Variants in RPS6KC1 observed in about 807,000 individuals in gnomAD.
RPS6KC1 encodes inactive ribosomal protein S6 kinase delta-1.
A neutral mutation model predicts 103.8 loss-of-function variants in RPS6KC1; 54 were observed. The ratio of observed to expected loss-of-function variants is 0.52; its 90% CI spans 0.42 to 0.65. The LOEUF is 0.65. Ranked by LOEUF, RPS6KC1 falls within the 30% of genes least tolerant of loss-of-function variation. RPS6KC1 has a pLI of 0.00. For missense variants in RPS6KC1, 1,151 were observed against 1,253.8 expected (o/e 0.92, Z 1.24); for synonymous variants, 439 against 438.7 (o/e 1.00, Z -0.01).
At chr1:213,830,011 T>C in the RPS6KC1 span, among the ~76,000 whole-genome samples, 1 of 152,156 alleles carries the variant, frequency 6.6e-6, no homozygotes, top group Non-Finnish European at 1.5e-5. Flanking sequence ...TCCTGAGCAA[T>C]GATTAGGCCT....
At chr1:213,417,723 A>G in the RPS6KC1 span, among the ~76,000 whole-genome samples, 6 of 152,184 alleles carry the variant, frequency 3.9e-5, no homozygotes, top group Admixed American at 3.3e-4. Context: ...TCCCTCATTC[A>G]GCCAGGACTA....
chr1:213,075,118 T>G (rs1272756903), intron 2 of RPS6KC1, among the ~76,000 whole-genome samples: 5 of 152,230 alleles, frequency 3.3e-5, no homozygotes, highest in African/African-American at 1.2e-4. Context: ...CCCAAAGTGC[T>G]GGGATTACAG....
the RPS6KC1 span, among the ~76,000 whole-genome samples, chr1:213,458,644 A>G: frequency 6.6e-6 from 1 of 152,054 alleles, no homozygotes; most frequent in South Asian, 2.1e-4. Flanking sequence ...TTCCAATACT[A>G]TGTTGAATAG....
At chr1:213,396,622 C>T in the RPS6KC1 span, among the ~76,000 whole-genome samples, 2 of 152,148 alleles carry the variant, frequency 1.3e-5, no homozygotes, top group South Asian at 2.1e-4. Context: ...CCTGTTACCT[C>T]GAGAGTTCCA....
intron 6 of RPS6KC1, among the ~76,000 whole-genome samples, chr1:213,137,225 A>T (rs1316180576): frequency 6.6e-6 from 1 of 151,672 alleles, no homozygotes; most frequent in Admixed American, 6.6e-5. Context: ...CTCATTTTCT[A>T]TATATCTGAT....
At chr1:213,385,256 C>G in the RPS6KC1 span, among the ~76,000 whole-genome samples, 1,746 of 152,290 alleles carry the variant, frequency 0.011, 30 homozygotes, top group African/African-American at 0.039. Context: ...AAGAACACAA[C>G]AGTGTTTGCA....
chr1:213,766,777 C>T, the RPS6KC1 span, among the ~76,000 whole-genome samples: 1 of 152,046 alleles, frequency 6.6e-6, no homozygotes, highest in African/African-American at 2.4e-5. Context: ...TTTTCTCACC[C>T]CTAACTGGCT....
the RPS6KC1 span, among the ~76,000 whole-genome samples, chr1:213,676,618 AC>A: frequency 1.3e-5 from 2 of 152,066 alleles, no homozygotes; most frequent in Non-Finnish European, 2.9e-5. Context: ...TTCACATTGC[AC>A]CAAGTTACCT....
At chr1:213,598,283 A>G in the RPS6KC1 span, among the ~76,000 whole-genome samples, 2 of 152,256 alleles carry the variant, frequency 1.3e-5, no homozygotes, top group Admixed American at 1.3e-4. Context: ...TAGTTAAAAG[A>G]GTACACAACC....
At chr1:213,096,521 C>T (rs115848644) in intron 3 of RPS6KC1, among the ~76,000 whole-genome samples, 1,982 of 151,958 alleles carry the variant, frequency 0.013, 46 homozygotes, top group African/African-American at 0.043. Context: ...AAAAATTAGC[C>T]GGACATGGTG....
chr1:213,545,696 G>C, the RPS6KC1 span, among the ~76,000 whole-genome samples: 1 of 151,932 alleles, frequency 6.6e-6, no homozygotes, highest in African/African-American at 2.4e-5. Context: ...CAACACACTG[G>C]GGGGACACAA....
the RPS6KC1 span, among the ~76,000 whole-genome samples, chr1:213,828,563 C>T: frequency 6.6e-6 from 1 of 152,188 alleles, no homozygotes; most frequent in Admixed American, 6.5e-5. Flanking sequence ...AAAGGCCTGA[C>T]TTGTTCCTAA....
chr1:213,327,748 C>T, the RPS6KC1 span, among the ~76,000 whole-genome samples: 2 of 152,290 alleles, frequency 1.3e-5, no homozygotes, highest in Middle Eastern at 3.4e-3. Flanking sequence ...GGTAACTTTT[C>T]TAATACTGTT....
chr1:213,578,379 G>A, the RPS6KC1 span, among the ~76,000 whole-genome samples: 41 of 152,300 alleles, frequency 2.7e-4, no homozygotes, highest in Middle Eastern at 3.4e-3. Flanking sequence ...GTTCCCACTG[G>A]GGCACTGCCT....
chr1:213,611,039 A>G, the RPS6KC1 span, among the ~76,000 whole-genome samples: 1 of 152,186 alleles, frequency 6.6e-6, no homozygotes, highest in Non-Finnish European at 1.5e-5. Context: ...TCCTCACTGC[A>G]TCATGTGTGA....
Position 213,211,512 on chromosome 1 carries a change from T to G in RPS6KC1, c.1045-18985T>G, listed in dbSNP as rs542089178. Among the ~76,000 whole-genome samples the G allele has an allele frequency of 3.4e-3, 524 of 152,376 alleles. 5 individuals are homozygous for G. Among genetic ancestry groups the G allele is most frequent in the African/African-American group, 0.012 (502 of 41,588 alleles). The stretch of plus-strand genomic sequence containing the variant: ...CTGTCTTTTATATTCTGCCTTCTGC[T>G]ATATTTATATCCATTTTCCTTACAA... On this transcript the variant is annotated intron_variant, in intron 8 of 14. Transcript: ENST00000366960.
At chr1:213,784,130 A>G in the RPS6KC1 span, among the ~76,000 whole-genome samples, 5 of 152,172 alleles carry the variant, frequency 3.3e-5, no homozygotes. Context: ...ACTTTCTAAC[A>G]CTTTGAGCAC....
At chr1:213,263,593 AATGAAAC>A (rs1265649982) in intron 14 of RPS6KC1, among the ~76,000 whole-genome samples, 1 of 152,084 alleles carries the variant, frequency 6.6e-6, no homozygotes, top group African/African-American at 2.4e-5. Context: ...AAAATTATGT[AATGAAAC>A]ATGGATTTAA....
chr1:213,499,553 A>G, the RPS6KC1 span, among the ~76,000 whole-genome samples: 4 of 152,240 alleles, frequency 2.6e-5, no homozygotes, highest in African/African-American at 4.8e-5. Flanking sequence ...CTGTGCTCCT[A>G]TGAGACTCTC....
Sources: gnomAD v4.1 joint callset for allele counts (sites outside exome capture counted in the v4.1 genomes callset) on GRCh38, gnomAD v4.1.1 for gene constraint, MANE v1.5 for transcripts, NCBI Gene and HGNC (gene_info 2026-07-23, HGNC 2026-07-21) for gene names.